Variants in B3GALT1 observed in about 807,000 individuals in gnomAD.
B3GALT1 encodes beta-1,3-galactosyltransferase 1.
B3GALT1 carries 10 observed loss-of-function variants against 23.2 expected under a neutral mutation model. That is an observed-to-expected ratio of 0.43 (90% CI 0.27 to 0.73). The LOEUF is 0.73. Ranked by LOEUF, B3GALT1 falls within the 30% of genes least tolerant of loss-of-function variation. B3GALT1 has a pLI of 0.21. For missense variants in B3GALT1, 299 were observed against 405.4 expected, an observed-to-expected ratio of 0.74 and a Z score of 2.25; for synonymous variants, 156 against 141.5, an observed-to-expected ratio of 1.10 and a Z score of -0.73.
At chr2:167,375,047 G>A (rs998333133) in intron 1 of B3GALT1, among the ~76,000 whole-genome samples, 1 of 152,064 alleles carries the variant, frequency 6.6e-6, no homozygotes, top group African/African-American at 2.4e-5. Context: ...TCATTCTACT[G>A]CATATGGCTT....
chr2:167,772,206 T>C (rs1245326581), intron 3 of B3GALT1, among the ~76,000 whole-genome samples: 2 of 152,188 alleles, frequency 1.3e-5, no homozygotes, highest in East Asian at 3.8e-4. Flanking sequence ...ACAGGCCGAT[T>C]TAATGTCTTG....
intron 2 of B3GALT1, among the ~76,000 whole-genome samples, chr2:167,610,940 GAA>G (rs71031301): frequency 4.8e-5 from 7 of 145,644 alleles, no homozygotes; most frequent in African/African-American, 1.5e-4. Flanking sequence ...GAGAGAGAGA[GAA>G]AAGCCAAACA....
chr2:167,804,521 C>G (rs1279759790), intron 3 of B3GALT1, among the ~76,000 whole-genome samples: 1 of 151,680 alleles, frequency 6.6e-6, no homozygotes, highest in Admixed American at 6.6e-5. Flanking sequence ...TGTTCCCCTT[C>G]CTGTGTCCAT....
At chr2:167,643,076 T>C (rs974651050) in intron 2 of B3GALT1, among the ~76,000 whole-genome samples, 3 of 152,150 alleles carry the variant, frequency 2.0e-5, no homozygotes, top group Admixed American at 2.0e-4. Flanking sequence ...TAAAAACATA[T>C]AACAATGGAG....
chr2:167,808,833 C>T (rs1006580676), intron 3 of B3GALT1, among the ~76,000 whole-genome samples: 1 of 152,148 alleles, frequency 6.6e-6, no homozygotes, highest in Non-Finnish European at 1.5e-5. Context: ...GTTGGCCTGT[C>T]TTGCTAGATT....
intron 1 of B3GALT1, among the ~76,000 whole-genome samples, chr2:167,346,762 G>T (rs1364452802): frequency 6.7e-6 from 1 of 148,560 alleles, no homozygotes; most frequent in Non-Finnish European, 1.5e-5. Context: ...GGGGTGGTGC[G>T]TGTGTGTGTG....
At chr2:167,433,413 A>T (rs576024057) in intron 1 of B3GALT1, among the ~76,000 whole-genome samples, 124 of 152,274 alleles carry the variant, frequency 8.1e-4, no homozygotes, top group African/African-American at 2.9e-3. Flanking sequence ...AAACTTATTT[A>T]AAAAAATTAT....
chr2:167,724,224 C>T (rs1687274113), intron 3 of B3GALT1, among the ~76,000 whole-genome samples: 1 of 152,174 alleles, frequency 6.6e-6, no homozygotes, highest in Non-Finnish European at 1.5e-5. Context: ...TCAATATTAT[C>T]TACAAGGCTT....
At chr2:167,320,935 A>T (rs1301052381) in intron 1 of B3GALT1, among the ~76,000 whole-genome samples, 3 of 151,912 alleles carry the variant, frequency 2.0e-5, no homozygotes, top group Non-Finnish European at 4.4e-5. Flanking sequence ...AATATCCTAA[A>T]CATGAAAAAA....
intron 2 of B3GALT1, among the ~76,000 whole-genome samples, chr2:167,626,765 A>G (rs1264970176): frequency 6.6e-6 from 1 of 151,772 alleles, no homozygotes; most frequent in Non-Finnish European, 1.5e-5. Context: ...GTAAGATGCT[A>G]ATAGGAAAAT....
chr2:167,839,142 A>G (rs370675124), intron 4 of B3GALT1, among the ~76,000 whole-genome samples: 3 of 152,012 alleles, frequency 2.0e-5, no homozygotes, highest in Non-Finnish European at 2.9e-5. Context: ...CTCTCTCACC[A>G]CTCCTATTCA....
chr2:167,514,465 C>G (rs1700072410), intron 2 of B3GALT1, among the ~76,000 whole-genome samples: 1 of 152,128 alleles, frequency 6.6e-6, no homozygotes, highest in Admixed American at 6.5e-5. Flanking sequence ...TGTCTTCCTG[C>G]CTTGCAATCT....
chr2:167,383,621 G>A (rs1349719612), intron 1 of B3GALT1, among the ~76,000 whole-genome samples: 6 of 152,124 alleles, frequency 3.9e-5, no homozygotes, highest in African/African-American at 9.7e-5. Flanking sequence ...ATCAGGGATC[G>A]TATTTTTCAG....
intron 1 of B3GALT1, among the ~76,000 whole-genome samples, chr2:167,462,667 G>C (rs538377023): frequency 3.9e-5 from 6 of 152,110 alleles, no homozygotes; most frequent in African/African-American, 1.4e-4. Context: ...TGCATCATTA[G>C]CTTCAGTGAG....
At chr2:167,423,607 C>G (rs971398624) in intron 1 of B3GALT1, among the ~76,000 whole-genome samples, 4 of 152,148 alleles carry the variant, frequency 2.6e-5, no homozygotes, top group African/African-American at 9.7e-5. Flanking sequence ...AACAATATTT[C>G]TGCTCATGAT....
Position 167,480,604 on chromosome 2 carries a change from A to AAAAC in B3GALT1, c.-510-9560_-510-9557dup, listed in dbSNP as rs1304538630. ...GAACTTGTGAGTGCTAAAAAAACAAAAAACAAACAAACAAACGAAACCACC... is the reference window on the plus strand; with the variant it reads ...GAACTTGTGAGTGCTAAAAAAACAAAAAACAAACAAACAAACAAACGAAACCACC... On this transcript the variant is annotated intron_variant, in intron 1 of 4. Transcript: ENST00000392690. Among the ~76,000 whole-genome samples, 12 of 152,272 alleles carry AAAAC rather than the reference A, an allele frequency of 7.9e-5. No individual in the cohort carries two copies. The South Asian group carries it at 1.9e-3, about 24-fold the overall frequency.
chr2:167,503,064 A>T (rs902086910), intron 2 of B3GALT1, among the ~76,000 whole-genome samples: 5 of 152,136 alleles, frequency 3.3e-5, no homozygotes, highest in Non-Finnish European at 5.9e-5. Flanking sequence ...AAAATAAAAA[A>T]TAAATAAAAT....
intron 3 of B3GALT1, among the ~76,000 whole-genome samples, chr2:167,801,218 A>G (rs964890869): frequency 3.3e-5 from 5 of 152,196 alleles, no homozygotes; most frequent in South Asian, 2.1e-4. Context: ...AAACCAGTTG[A>G]TGTGTATTTG....
At chr2:167,825,783 C>T (rs1210412359) in intron 4 of B3GALT1, among the ~76,000 whole-genome samples, 1 of 152,130 alleles carries the variant, frequency 6.6e-6, no homozygotes. Context: ...GAGTCTGTGC[C>T]ACAGCCCTTG....
Sources: allele counts gnomAD v4.1 joint callset (sites outside exome capture counted in the v4.1 genomes callset), GRCh38; gene constraint gnomAD v4.1.1; transcripts MANE v1.5; gene names NCBI Gene and HGNC (gene_info 2026-07-23, HGNC 2026-07-21).